Variants in SFXN5 observed in about 807,000 individuals in gnomAD.
The protein encoded by SFXN5 is sideroflexin 5, also known as sideroflexin-5.
A neutral mutation model predicts 50.2 loss-of-function variants in SFXN5; 43 were observed. The observed-to-expected ratio is 0.86, with a 90% CI of 0.67 to 1.11. The LOEUF (loss-of-function observed/expected upper bound fraction) is 1.11. Among genes scored for constraint, SFXN5 ranks in the 50% least tolerant of loss-of-function variants. The pLI is 0.00. For synonymous variants in SFXN5, 203 were observed against 185.8 expected, an observed-to-expected ratio of 1.09 and a Z score of -0.75; for missense variants, 463 against 454.1, an observed-to-expected ratio of 1.02 and a Z score of -0.18.
In SFXN5 at chr2:73,055,047, G is replaced by A. The variant is rs372772333; in HGVS notation, c.171+3481C>T. On this transcript the variant is annotated intron_variant, in intron 2 of 13. Coordinates refer to ENST00000272433, the MANE Select transcript of SFXN5 (RefSeq NM_144579.3). ...TACTGGGCTGCTCCCCTGGACATGA[G>A]GGGGGATGGTTCTAGGCCCAGGTGC... Among the ~76,000 whole-genome samples, 288 of 152,334 alleles carry A rather than the reference G, an allele frequency of 1.9e-3. 3 individuals carry two copies. The highest frequency in any genetic ancestry group is 6.8e-3 in the Middle Eastern group (2 of 294).
Position 72,970,148 on chromosome 2 carries a change from G to A in SFXN5, c.741+1422C>T, listed in dbSNP as rs558252204. ...TCATGGCATGGCTGTCCTCCCTCAGGGGGGCTGGGGAAAAGAACAGGGCTG... is the reference window on the plus strand; with the variant it reads ...TCATGGCATGGCTGTCCTCCCTCAGAGGGGCTGGGGAAAAGAACAGGGCTG... On this transcript the variant is annotated intron_variant, in intron 11 of 13. Transcript: ENST00000272433. Among the ~76,000 whole-genome samples the A allele has an allele frequency of 3.9e-5, 6 of 152,306 alleles. No individual in the cohort carries two copies. The South Asian group carries it at 1.2e-3, about 32-fold the overall frequency.
rs866283241 is a variant in SFXN5 at position 72,951,209 on chromosome 2, G to A, written c.946-6110C>T. Among the ~76,000 whole-genome samples the A allele has an allele frequency of 2.0e-5, 3 of 152,268 alleles. No homozygotes were observed. The Middle Eastern group carries it at 0.01, about 518-fold the overall frequency. On this transcript the variant is annotated intron_variant, in intron 13 of 13. Transcript: ENST00000272433. ...CCTGCTAGCGCTCCCTGACTCCCAG[G>A]CAGAACCTGCACACCAGCTCCCAGC... is the stretch of plus-strand genomic sequence containing the variant.
rs150339516 is a variant in SFXN5, at chr2:73,043,771, C to T, written c.172-2840G>A. On this transcript the variant is annotated intron_variant, in intron 2 of 13. Transcript: ENST00000272433. ...TATCAGAACAAAAAATGGAAAAGTA[C>T]AAAAAGTAATCTTAAATCTGTAAAC... Among the ~76,000 whole-genome samples, 27 of 152,200 alleles carry T rather than the reference C, an allele frequency of 1.8e-4. No homozygotes were observed. In the East Asian group the frequency reaches 5.0e-3, roughly 28 times the overall value.
chr2:73,036,767 G>A (rs2105907348), intron 3 of SFXN5, among the ~76,000 whole-genome samples: 1 of 152,334 alleles, frequency 6.6e-6, no homozygotes, highest in East Asian at 1.9e-4. Flanking sequence ...ACTCTCACAG[G>A]TCTCAGAAGA....
In SFXN5 at chr2:72,957,587, G is replaced by T. The variant is rs375777888; in HGVS notation, c.945+3544C>A. ...GTGATTACTTCTGTTGACAACCTTG[G>T]TGGCTTTTGGCAAGGCTGGGTCAGC... is the stretch of plus-strand genomic sequence containing the variant. On this transcript the variant is annotated intron_variant, in intron 13 of 13. Transcript: ENST00000272433. 3.6e-4 allele frequency among the ~76,000 whole-genome samples: 55 copies of T among 152,350 alleles called. 1 individual carries two copies. The highest frequency in any genetic ancestry group is 1.2e-3 in the African/African-American group (49 of 41,574).
In SFXN5 at chr2:73,038,366, T is replaced by A. The variant is rs1195100190; in HGVS notation, c.249+2488A>T. 3.3e-5 allele frequency among the ~76,000 whole-genome samples: 5 copies of A among 152,378 alleles called. No individual in the cohort carries two copies. In the East Asian group the frequency reaches 9.6e-4, roughly 29 times the overall value. On this transcript the variant is annotated intron_variant, in intron 3 of 13. Transcript: ENST00000272433. ...TTACCATGAATGGAGCTTGCAGGAC[T>A]GGCAGTTGCTGTGGTGAGTCACTGA...
intron 3 of SFXN5, among the ~76,000 whole-genome samples, chr2:73,026,138 C>CTTTTTTTT (rs1298238537): frequency 2.9e-5 from 4 of 139,956 alleles, no homozygotes; most frequent in African/African-American, 1.1e-4. Context: ...TTTTTTTTTT[C>CTTTTTTTT]TTTTTTTGAG....
At chr2:73,020,454 G>C (rs931794949) in intron 5 of SFXN5, among the ~76,000 whole-genome samples, 190 bp from the exon 6 acceptor site, 1 of 152,068 alleles carries the variant, frequency 6.6e-6, no homozygotes, top group African/African-American at 2.4e-5. Flanking sequence ...TGTGTCCCCA[G>C]CCTCCTCTTC....
At chr2:73,046,346 C>T (rs778763321) in intron 2 of SFXN5, among the ~76,000 whole-genome samples, 3 of 150,840 alleles carry the variant, frequency 2.0e-5, no homozygotes, top group Non-Finnish European at 2.9e-5. Flanking sequence ...AAAGTGAAGG[C>T]CACAGTGAAC....
chr2:73,068,757 G>A (rs1349574063), intron 1 of SFXN5, among the ~76,000 whole-genome samples: 1 of 152,012 alleles, frequency 6.6e-6, no homozygotes, highest in Non-Finnish European at 1.5e-5. Context: ...GAGAGACACA[G>A]ATGGCAAAGA....
At chr2:73,059,618 C>T (rs972219276) in intron 1 of SFXN5, 21 of 980,918 alleles carry the variant, frequency 2.1e-5, no homozygotes, top group Middle Eastern at 5.2e-4. Flanking sequence ...TTCTCTCCCA[C>T]CATGGCACCC....
At chr2:73,059,371 A>T (rs984445242) in intron 1 of SFXN5, 21 of 985,300 alleles carry the variant, frequency 2.1e-5, no homozygotes, top group Middle Eastern at 5.2e-4. Context: ...GCTGGGGTTC[A>T]TGCCTCACTA....
At chr2:73,010,331 C>A (rs371818794) in intron 6 of SFXN5, among the ~76,000 whole-genome samples, 1 of 152,122 alleles carries the variant, frequency 6.6e-6, no homozygotes, top group Non-Finnish European at 1.5e-5. Flanking sequence ...AAATGTATTT[C>A]GGTTGGGAGA....
intron 10 of SFXN5, among the ~76,000 whole-genome samples, chr2:72,972,705 G>T (rs549865998): frequency 1.3e-5 from 2 of 151,906 alleles, no homozygotes; most frequent in East Asian, 1.9e-4. Flanking sequence ...GGTGGGGAGT[G>T]GGGGGTGACA....
At chr2:73,015,892 C>G (rs1205176802) in intron 6 of SFXN5, among the ~76,000 whole-genome samples, 1 of 150,744 alleles carries the variant, frequency 6.6e-6, no homozygotes, top group Non-Finnish European at 1.5e-5. Flanking sequence ...GGGCCATGAT[C>G]GCATCACTGC....
intron 1 of SFXN5, among the ~76,000 whole-genome samples, chr2:73,060,598 G>A (rs973279436): frequency 6.6e-6 from 1 of 152,040 alleles, no homozygotes; most frequent in African/African-American, 2.4e-5. Context: ...TGAGACAAGT[G>A]ACAAAAGTGG....
chr2:73,047,363 G>GTA (rs1398174430), intron 2 of SFXN5, among the ~76,000 whole-genome samples: 2 of 132,836 alleles, frequency 1.5e-5, no homozygotes, highest in Non-Finnish European at 3.1e-5. Flanking sequence ...GTGTATATAT[G>GTA]TATATATATG....
chr2:72,945,028 C>T lies in SFXN5; in HGVS notation c.1017G>A (p.Gly339=). 1.2e-6 allele frequency: 2 copies of T among 1,613,832 alleles called. No homozygotes were observed. Among genetic ancestry groups the T allele is most frequent in the Non-Finnish European group, 1.7e-6 (2 of 1,179,844 alleles). Residue 339 remains glycine, a synonymous_variant, in exon 14 of 14, where the codon GGG becomes GGA. Transcript: ENST00000272433. The surrounding 1 kb of genome is among the most constrained non-coding windows in gnomAD (Gnocchi z 5.8). ...TSSRTVVYNK[G]L is the part of the protein sequence containing the mutation. ...CCCAGGCCGCTGACCACACTCACAA[C>T]CCCTTGTTGTACACCACTGTCCGGC...
intron 10 of SFXN5, among the ~76,000 whole-genome samples, chr2:72,984,618 C>T (rs1671681878): frequency 6.6e-6 from 1 of 152,194 alleles, no homozygotes; most frequent in African/African-American, 2.4e-5. Flanking sequence ...GCCTTCGGAC[C>T]CTCCCAGCAC....
Sources: gnomAD v4.1 joint callset for allele counts (sites outside exome capture counted in the v4.1 genomes callset) on GRCh38, gnomAD v4.1.1 for gene constraint, Gnocchi (gnomAD v3.1) non-coding constraint, MANE v1.5 for transcripts, NCBI Gene and HGNC (gene_info 2026-07-23, HGNC 2026-07-21) for gene names.